LRP1B: variants seen among roughly 807,000 people sequenced by gnomAD.
The protein encoded by LRP1B is low-density lipoprotein receptor-related protein 1B.
A neutral mutation model predicts 556.6 loss-of-function variants in LRP1B; 217 were observed. The ratio of observed to expected loss-of-function variants is 0.39; its 90% confidence interval spans 0.35 to 0.44. The LOEUF (loss-of-function observed/expected upper bound fraction) is 0.44, where lower values mean the gene tolerates loss of function less well. Among genes scored for constraint, LRP1B ranks in the 20% least tolerant of loss-of-function variants. The pLI is 1.00. For missense variants in LRP1B, 5,053 were observed against 5,620.8 expected (o/e 0.90, Z 3.23); for synonymous variants, 2,047 against 1,865.8 (o/e 1.10, Z -2.50).
intron 84 of LRP1B, among the ~76,000 whole-genome samples, chr2:140,297,466 G>A (rs1422537925): frequency 6.6e-6 from 1 of 152,030 alleles, no homozygotes; most frequent in Non-Finnish European, 1.5e-5. Context: ...AGTTGCATTC[G>A]CCTATGGGAT....
intron 2 of LRP1B, among the ~76,000 whole-genome samples, chr2:141,693,932 A>ACC (rs1691636942): frequency 6.6e-6 from 1 of 152,150 alleles, no homozygotes; most frequent in Admixed American, 6.6e-5. Context: ...AGCCACATGA[A>ACC]TTGAGAAGTT....
At chr2:140,748,860 C>CATGTATATAATATAT in intron 35 of LRP1B, among the ~76,000 whole-genome samples, 1 of 77,590 alleles carries the variant, frequency 1.3e-5, no homozygotes, top group Non-Finnish European at 2.5e-5. Context: ...AATATATATA[C>CATGTATATAATATAT]ACACACACAC....
chr2:140,552,683 A>T (rs1007415853), intron 43 of LRP1B, among the ~76,000 whole-genome samples: 1 of 151,986 alleles, frequency 6.6e-6, no homozygotes, highest in Non-Finnish European at 1.5e-5. Flanking sequence ...CACAAATTGC[A>T]CTCTACCATG....
At chr2:140,712,124 T>G (rs538365520) in intron 37 of LRP1B, among the ~76,000 whole-genome samples, 1 of 152,200 alleles carries the variant, frequency 6.6e-6, no homozygotes, top group South Asian at 2.1e-4. Context: ...TGGGGCCACT[T>G]GAATCTCTTC....
chr2:142,019,463 A>T (rs1703260312), intron 1 of LRP1B, among the ~76,000 whole-genome samples: 1 of 152,176 alleles, frequency 6.6e-6, no homozygotes, highest in East Asian at 1.9e-4. Context: ...ACCACTTCTT[A>T]TCACCTTCAA....
intron 2 of LRP1B, among the ~76,000 whole-genome samples, chr2:141,680,895 T>G (rs1691076350): frequency 6.6e-6 from 1 of 152,176 alleles, no homozygotes; most frequent in Non-Finnish European, 1.5e-5. Context: ...CTTAATGTGC[T>G]TTTATTGAAG....
chr2:141,149,459 C>T (rs187853977), intron 7 of LRP1B, among the ~76,000 whole-genome samples: 1 of 152,128 alleles, frequency 6.6e-6, no homozygotes, highest in Non-Finnish European at 1.5e-5. Context: ...AATGGTTTAC[C>T]TTTATTTCAA....
At chr2:140,429,624 T>C (rs989541108) in intron 66 of LRP1B, among the ~76,000 whole-genome samples, 1 of 152,100 alleles carries the variant, frequency 6.6e-6, no homozygotes, top group Non-Finnish European at 1.5e-5. Context: ...GTTTGACTAA[T>C]CTCCCAAACC....
chr2:140,344,458 A>G (rs1019497520), intron 77 of LRP1B, among the ~76,000 whole-genome samples: 1 of 150,820 alleles, frequency 6.6e-6, no homozygotes, highest in Non-Finnish European at 1.5e-5. Context: ...CTAATGATTC[A>G]GCAAAGCTAA....
chr2:141,133,711 GCATTTT>G (rs1178636515), intron 7 of LRP1B, among the ~76,000 whole-genome samples: 19 of 151,912 alleles, frequency 1.3e-4, no homozygotes, highest in Admixed American at 7.2e-4. Context: ...TGACAGGCAA[GCATTTT>G]TATATGTATG....
intron 27 of LRP1B, among the ~76,000 whole-genome samples, chr2:140,866,284 T>C (rs1692948412): frequency 6.6e-6 from 1 of 152,152 alleles, no homozygotes; most frequent in African/African-American, 2.4e-5. Flanking sequence ...AAGGAAATTC[T>C]AGAGAAGCGT....
Position 140,306,788 on chromosome 2 carries a change from G to A in LRP1B, c.12805+8147C>T, listed in dbSNP as rs186279098. Reference sequence around the variant, plus strand: ...AGATCTTTCCTGCTTTCTCTTGTGGGCATTTAGTGCTATAAATTTCCCTCT... The same window carrying A: ...AGATCTTTCCTGCTTTCTCTTGTGGACATTTAGTGCTATAAATTTCCCTCT... On this transcript the variant is annotated intron_variant, in intron 83 of 90. Coordinates refer to ENST00000389484, the MANE Select transcript of LRP1B (RefSeq NM_018557.3). Among the ~76,000 whole-genome samples, 1,498 of 151,884 alleles carry A rather than the reference G, an allele frequency of 9.9e-3. 62 individuals are homozygous for A. In the East Asian group the frequency reaches 0.13, roughly 13 times the overall value.
intron 2 of LRP1B, among the ~76,000 whole-genome samples, chr2:141,750,528 C>A (rs555547868): frequency 2.6e-5 from 4 of 152,170 alleles, no homozygotes; most frequent in African/African-American, 4.8e-5. Context: ...TCAAGCCTTT[C>A]AAGCATTAGT....
chr2:141,385,436 C>T (rs1275851686), intron 3 of LRP1B, among the ~76,000 whole-genome samples: 1 of 152,096 alleles, frequency 6.6e-6, no homozygotes, highest in African/African-American at 2.4e-5. Context: ...ATAAGGTACA[C>T]TTAACTTGCA....
rs142667376 is a variant in LRP1B, at chr2:142,042,930, G to A, written c.82+87718C>T. On this transcript the variant is annotated intron_variant, in intron 1 of 90. Transcript: ENST00000389484. Reference sequence around the variant, plus strand: ...TTTCTCATTGATTTCTCTATGAATTGTGATGCTTCAAGAGGGATTTGATTT... The same window carrying A: ...TTTCTCATTGATTTCTCTATGAATTATGATGCTTCAAGAGGGATTTGATTT... Among the ~76,000 whole-genome samples the A allele has an allele frequency of 1.3e-5, 2 of 150,728 alleles. 1 individual carries two copies. Among genetic ancestry groups the A allele is most frequent in the Non-Finnish European group, 3.0e-5 (2 of 67,302 alleles).
intron 43 of LRP1B, among the ~76,000 whole-genome samples, chr2:140,545,504 G>T (rs1680296851): frequency 6.6e-6 from 1 of 152,162 alleles, no homozygotes; most frequent in South Asian, 2.1e-4. Flanking sequence ...TTCTGCATAT[G>T]GCTAGCTATT....
intron 2 of LRP1B, among the ~76,000 whole-genome samples, chr2:141,519,682 T>G (rs1005196781): frequency 1.9e-4 from 28 of 150,560 alleles, no homozygotes; most frequent in African/African-American, 6.9e-4. Flanking sequence ...ATGGCAAATT[T>G]GGCTACAGAT....
At chr2:140,738,738 C>T (rs1156991073) in intron 35 of LRP1B, among the ~76,000 whole-genome samples, 2 of 152,096 alleles carry the variant, frequency 1.3e-5, no homozygotes, top group Non-Finnish European at 2.9e-5. Context: ...ATGTCTCTAT[C>T]GCCATCTTTA....
intron 37 of LRP1B, among the ~76,000 whole-genome samples, chr2:140,703,621 A>G (rs370293205): frequency 6.6e-6 from 1 of 152,276 alleles, no homozygotes; most frequent in South Asian, 2.1e-4. Context: ...TCTAGTTCTT[A>G]GAAGTTATAT....
Sources: allele counts gnomAD v4.1 joint callset (sites outside exome capture counted in the v4.1 genomes callset), GRCh38; gene constraint gnomAD v4.1.1; transcripts MANE v1.5; gene names NCBI Gene and HGNC (gene_info 2026-07-23, HGNC 2026-07-21).